Variants in CCDC85A observed in about 807,000 individuals in gnomAD.
The protein encoded by CCDC85A is coiled-coil domain containing 85A.
In CCDC85A, 38 loss-of-function variants were observed where a neutral mutation model predicts 50.2. That is an observed-to-expected ratio of 0.76 (90% CI 0.58 to 0.99). The LOEUF (loss-of-function observed/expected upper bound fraction) is 0.99. CCDC85A is among the 50% of genes least tolerant of loss of function. The pLI, the probability that CCDC85A is intolerant of heterozygous loss-of-function variation, is 0.00. For synonymous variants in CCDC85A, 366 were observed against 301.4 expected (o/e 1.21, Z -2.22); for missense variants, 820 against 742.0 (o/e 1.11, Z -1.22).
intron 2 of CCDC85A, among the ~76,000 whole-genome samples, chr2:56,215,609 G>T (rs376213118): frequency 6.7e-6 from 1 of 148,766 alleles, no homozygotes. Flanking sequence ...CAAACTGGAT[G>T]TGGATTTTGT....
At chr2:56,245,040 G>A (rs1669438461) in intron 2 of CCDC85A, among the ~76,000 whole-genome samples, 1 of 152,130 alleles carries the variant, frequency 6.6e-6, no homozygotes, top group Admixed American at 6.5e-5. Context: ...TGCTTGTAGA[G>A]GGGTGACAGA....
rs369732316 is a variant in CCDC85A, at chr2:56,350,819, TA to T, written c.1317+7865del. 4.2e-3 allele frequency among the ~76,000 whole-genome samples: 632 copies of T among 151,064 alleles called. 4 individuals are homozygous for T. The highest frequency in any genetic ancestry group is 0.014 in the African/African-American group (589 of 41,278). ...TTTAGTCAGCCATCCTATTGATAGA[TA>T]TTTTTTTTCAGTTTCTTTTTTATTT... On this transcript the variant is annotated intron_variant, in intron 3 of 5. Transcript: ENST00000407595.
At chr2:56,339,034 A>T (rs1674223652) in intron 2 of CCDC85A, among the ~76,000 whole-genome samples, 1 of 152,188 alleles carries the variant, frequency 6.6e-6, no homozygotes, top group South Asian at 2.1e-4. Flanking sequence ...AGGGGCTAAG[A>T]ACCTGGAACA....
chr2:56,254,084 G>A (rs1466807301), intron 2 of CCDC85A, among the ~76,000 whole-genome samples: 1 of 152,116 alleles, frequency 6.6e-6, no homozygotes, highest in Non-Finnish European at 1.5e-5. Context: ...ATACATATAT[G>A]TGCACATACA....
chr2:56,352,634 C>G (rs967400360), intron 3 of CCDC85A, among the ~76,000 whole-genome samples: 2 of 152,222 alleles, frequency 1.3e-5, no homozygotes, highest in African/African-American at 4.8e-5. Flanking sequence ...GTGTGAGCCA[C>G]TGCCCCTGGC....
chr2:56,280,853 C>T (rs1671174302), intron 2 of CCDC85A, among the ~76,000 whole-genome samples: 1 of 152,178 alleles, frequency 6.6e-6, no homozygotes, highest in Non-Finnish European at 1.5e-5. Context: ...ACTAGTTTCA[C>T]TCATAAAGTA....
Position 56,192,190 on chromosome 2 carries a change from TAA to T in CCDC85A, c.277-286_277-285del, listed in dbSNP as rs1433345480. Among the ~76,000 whole-genome samples the T allele has an allele frequency of 1.3e-5, 2 of 152,112 alleles. No homozygotes were observed. Among genetic ancestry groups the T allele is most frequent in the Admixed American group, 6.5e-5 (1 of 15,276 alleles). ...ATTGTGCAGGGATAGAACTGATACT[TAA>T]GTTAGTTTAATTTTTATGGCCATAC... On this transcript the variant is annotated intron_variant, in intron 1 of 5. Transcript: ENST00000407595. This position sits in a 1 kb window ranked among gnomAD's most constrained non-coding sequence, Gnocchi z 4.7.
intron 2 of CCDC85A, among the ~76,000 whole-genome samples, chr2:56,342,064 A>G (rs1674399913): frequency 6.6e-6 from 1 of 151,946 alleles, no homozygotes; most frequent in South Asian, 2.1e-4. Context: ...TATATGTAGA[A>G]CAACTCATTG....
intron 2 of CCDC85A, among the ~76,000 whole-genome samples, chr2:56,245,197 C>T (rs1249670933): frequency 2.0e-5 from 3 of 152,196 alleles, no homozygotes; most frequent in African/African-American, 7.2e-5. Context: ...TTTAGAATCC[C>T]ACAGTACTTT....
intron 2 of CCDC85A, among the ~76,000 whole-genome samples, chr2:56,219,404 C>T (rs1467294900): frequency 6.6e-6 from 1 of 151,490 alleles, no homozygotes; most frequent in East Asian, 1.9e-4. Flanking sequence ...ATTTTAAAGT[C>T]AGTTGTATTG....
At chr2:56,273,159 C>T (rs1015256478) in intron 2 of CCDC85A, among the ~76,000 whole-genome samples, 5 of 151,814 alleles carry the variant, frequency 3.3e-5, no homozygotes, top group Admixed American at 3.3e-4. Context: ...AAACTAAAAG[C>T]AAAGATGTAG....
chr2:56,346,076 TG>T (rs1405498004), intron 3 of CCDC85A, among the ~76,000 whole-genome samples: 1 of 152,206 alleles, frequency 6.6e-6, no homozygotes, highest in Non-Finnish European at 1.5e-5. Context: ...CCAGAATTTT[TG>T]CTTTTAGTTT....
intron 2 of CCDC85A, among the ~76,000 whole-genome samples, chr2:56,208,479 C>T (rs1197920123): frequency 6.6e-6 from 1 of 152,218 alleles, no homozygotes; most frequent in Admixed American, 6.5e-5. Context: ...GGTTACAACA[C>T]ATATTTTATT....
intron 2 of CCDC85A, among the ~76,000 whole-genome samples, chr2:56,219,862 C>G (rs1172092192): frequency 1.3e-5 from 2 of 151,926 alleles, no homozygotes; most frequent in African/African-American, 4.8e-5. Flanking sequence ...AAAACTTAGA[C>G]CTTGTCCTTG....
chr2:56,186,077 C>G (rs886877667), intron 1 of CCDC85A, among the ~76,000 whole-genome samples: 1 of 152,196 alleles, frequency 6.6e-6, no homozygotes, highest in Non-Finnish European at 1.5e-5. Context: ...TCAAGGCTCA[C>G]CTATGTGCTG....
chr2:56,304,916 A>AC (rs1558632374), intron 2 of CCDC85A, among the ~76,000 whole-genome samples: 86 of 110,400 alleles, frequency 7.8e-4, no homozygotes, highest in African/African-American at 2.9e-3. Context: ...AAAAAACAAA[A>AC]AACAAACAAA....
At chr2:56,206,469 A>G (rs1335855179) in intron 2 of CCDC85A, among the ~76,000 whole-genome samples, 2 of 152,144 alleles carry the variant, frequency 1.3e-5, no homozygotes, top group Non-Finnish European at 2.9e-5. Flanking sequence ...CATGAGCATG[A>G]CATCTATCCA....
intron 2 of CCDC85A, among the ~76,000 whole-genome samples, chr2:56,292,668 A>G (rs1210005477): frequency 6.6e-6 from 1 of 152,180 alleles, no homozygotes; most frequent in Non-Finnish European, 1.5e-5. Flanking sequence ...ATAACTCTAT[A>G]TGATTCATTC....
At chr2:56,297,126 T>A (rs1671986822) in intron 2 of CCDC85A, among the ~76,000 whole-genome samples, 1 of 152,176 alleles carries the variant, frequency 6.6e-6, no homozygotes. Flanking sequence ...GAGGAAATAC[T>A]TATTCGTTGA....
Sources: allele counts gnomAD v4.1 joint callset (sites outside exome capture counted in the v4.1 genomes callset), GRCh38; gene constraint gnomAD v4.1.1; non-coding constraint Gnocchi (gnomAD v3.1); transcripts MANE v1.5; gene names NCBI Gene and HGNC (gene_info 2026-07-23, HGNC 2026-07-21).